Variants in WDR4 observed in about 807,000 individuals in gnomAD.
WDR4 encodes the protein WDR4 tRNA N7-guanosine methyltransferase non-catalytic subunit.
A neutral mutation model predicts 48.6 loss-of-function variants in WDR4; 47 were observed. The observed-to-expected ratio is 0.97, with a 90% confidence interval of 0.77 to 1.23. The LOEUF is 1.23. WDR4 is among the 50% of genes most tolerant of loss of function. The probability of loss-of-function intolerance (pLI) is 0.00; values close to 1 mark genes in which losing one functional copy is unlikely to be tolerated. For synonymous variants in WDR4, 268 were observed against 230.0 expected (o/e 1.17, Z -1.49); for missense variants, 606 against 551.6 (o/e 1.10, Z -0.99).
At chr21:42,852,210 G>A (rs778759371) in intron 10 of WDR4, 45 bp downstream of exon 10, 105 of 1,605,210 alleles carry the variant, frequency 6.5e-5, no homozygotes, top group Admixed American at 1.2e-4. Context: ...TCTGGGGACC[G>A]CGCTGGGTGT....
chr21:42,864,810 C>G (rs1391492860), intron 3 of WDR4, among the ~76,000 whole-genome samples: 5 of 152,174 alleles, frequency 3.3e-5, no homozygotes, highest in Admixed American at 3.3e-4. Flanking sequence ...CTCCACAAGG[C>G]AGGGACCCAT....
At chr21:42,872,083 C>T (rs947443900) in intron 3 of WDR4, among the ~76,000 whole-genome samples, 111 of 151,994 alleles carry the variant, frequency 7.3e-4, no homozygotes, top group South Asian at 6.2e-4. Context: ...CTCCCAGGTT[C>T]GGGAGATTCT....
chr21:42,879,445 C>T lies in WDR4; in HGVS notation c.51G>A (p.Arg17=). 1 of 1,613,826 alleles carries T rather than the reference C, an allele frequency of 6.2e-7. No homozygotes were observed. The change falls in exon 1 of 11, where the codon CGG becomes CGA. Residue 17 remains arginine, a synonymous_variant. Transcript: ENST00000398208. ...LALCGQTLVV[R]GGSRFLATSI... The stretch of plus-strand genomic sequence containing the variant: ...AGGTGGCCAGGAATCGGCTGCCGCC[C>T]CGCACCACCAACGTCTGCCCGCACA...
upstream of WDR4, among the ~76,000 whole-genome samples, chr21:42,880,183 G>GC (rs1360450019): frequency 3.3e-5 from 5 of 151,932 alleles, no homozygotes; most frequent in Non-Finnish European, 7.4e-5. Context: ...GTCTCGGGTG[G>GC]CGTCAAGTCT....
At chr21:42,859,594 G>GGA in intron 6 of WDR4, 68 bp downstream of exon 6, 1 of 511,148 alleles carries the variant, frequency 2.0e-6, no homozygotes, top group Non-Finnish European at 3.5e-6. Context: ...AGGTCCAGGA[G>GGA]GCGCCCACCC....
chr21:42,879,536 G>A lies in WDR4; in HGVS notation c.-41C>T, dbSNP rs775693295. 2 of 1,608,554 alleles carry A rather than the reference G, an allele frequency of 1.2e-6. No individual in the cohort carries two copies. The highest frequency in any genetic ancestry group is 1.1e-5 in the South Asian group (1 of 90,866). Reference sequence around the variant, plus strand: ...ACCGCCATACACATGTGCCAGCCCAGAGCCTCTTCCTGTCCGCACCGGTCG... The same window carrying A: ...ACCGCCATACACATGTGCCAGCCCAAAGCCTCTTCCTGTCCGCACCGGTCG... On this transcript the variant is annotated 5_prime_UTR_variant, in exon 1 of 11. Coordinates refer to ENST00000398208, the MANE Select transcript of WDR4 (RefSeq NM_018669.6).
In WDR4 at chr21:42,854,572, G is replaced by C. The variant is rs201736090; in HGVS notation, c.781C>G (p.Leu261Val). The C allele has an allele frequency of 6.2e-7, 1 of 1,613,616 alleles. No homozygotes were observed. The highest frequency in any genetic ancestry group is 1.3e-5 in the African/African-American group (1 of 75,026). Residue 261 changes from leucine (L) to valine (V), a missense_variant, in exon 8 of 11, where the codon CTG becomes GTG. Leu to Val is a conservative substitution (Grantham distance 32). Transcript: ENST00000398208. ...GCCGCCGCAGCTTACCCGTCGCACA[G>C]GAGCGCCACGCAGTTCTCCTGGCAC... ...FWCQENCVALLCDGTPVVYIF... is the reference protein window; with the variant it reads ...FWCQENCVALVCDGTPVVYIF...
intron 3 of WDR4, among the ~76,000 whole-genome samples, chr21:42,870,579 A>AG (rs60051887): frequency 0.64 from 97,633 of 151,906 alleles, 33,088 homozygotes; most frequent in African/African-American, 0.86. Flanking sequence ...CCTTGAGGTC[A>AG]GAGTTCGAAA....
chr21:42,855,999 G>A (rs766223048), intron 6 of WDR4, among the ~76,000 whole-genome samples: 14 of 152,268 alleles, frequency 9.2e-5, no homozygotes, highest in Middle Eastern at 3.4e-3. Context: ...CCTGTTTCTC[G>A]AGTGCCAATA....
At chr21:42,879,361 G>A (rs553033322) in intron 1 of WDR4, 46 bp downstream of exon 1, 1 of 1,597,128 alleles carries the variant, frequency 6.3e-7, no homozygotes, top group Non-Finnish European at 8.6e-7. Flanking sequence ...GACCCGACGC[G>A]CGCCCGCAGC....
At chr21:42,891,733 G>A in the WDR4 span, among the ~76,000 whole-genome samples, 6 of 152,118 alleles carry the variant, frequency 3.9e-5, no homozygotes, top group Non-Finnish European at 5.9e-5. Flanking sequence ...CGAGGCGGGC[G>A]ATCATTTGAG....
downstream of WDR4, among the ~76,000 whole-genome samples, chr21:42,847,419 C>T (rs1180019580): frequency 6.6e-6 from 1 of 152,330 alleles, no homozygotes; most frequent in South Asian, 2.1e-4. Flanking sequence ...AAGGCAGCTG[C>T]GCCATCCACT....
chr21:42,879,512 C>A lies in WDR4; in HGVS notation c.-17G>T. ...GCCCGCCATGTACCCGCCCGCCTCA[C>A]CGCCATACACATGTGCCAGCCCAGA... On this transcript the variant is annotated 5_prime_UTR_variant, in exon 1 of 11. Transcript: ENST00000398208. 1 of 1,612,746 alleles carries A rather than the reference C, an allele frequency of 6.2e-7. No individual in the cohort carries two copies. Among genetic ancestry groups the A allele is most frequent in the African/African-American group, 1.3e-5 (1 of 75,028 alleles).
chr21:42,852,293 ACTTT>A lies in WDR4; in HGVS notation c.1003_1006del (p.Lys335SerfsTer33), dbSNP rs748308468. ...CCAGTTCCCACGAAGAACACCAGAG[ACTTT>A]CTTTAACACGGTGCTCTCAGGAACA... On this transcript the variant is annotated frameshift_variant, in exon 10 of 11. Transcript: ENST00000398208. LOFTEE classifies it low-confidence loss of function (END_TRUNC). The A allele has an allele frequency of 6.2e-6, 10 of 1,614,002 alleles. No homozygotes were observed. The highest frequency in any genetic ancestry group is 4.0e-5 in the African/African-American group (3 of 74,924).
rs1174347005 is a variant in WDR4, at chr21:42,862,990, T to C, written c.453+450A>G. 6.6e-6 allele frequency among the ~76,000 whole-genome samples: 1 copy of C among 152,156 alleles called. No individual in the cohort carries two copies. The highest frequency in any genetic ancestry group is 1.5e-5 in the Non-Finnish European group (1 of 67,994). Reference sequence around the variant, plus strand: ...GCTGCTGGGAGCAGTGCTGAGGTGATGCTCCTACAGCACCTGGCACAGCTC... The same window carrying C: ...GCTGCTGGGAGCAGTGCTGAGGTGACGCTCCTACAGCACCTGGCACAGCTC... On this transcript the variant is annotated intron_variant, in intron 4 of 10. Coordinates refer to ENST00000398208, the MANE Select transcript of WDR4 (RefSeq NM_018669.6). This position sits in a 1 kb window ranked among gnomAD's most constrained non-coding sequence, Gnocchi z 4.3.
At chr21:42,881,195 C>T (rs952022309), upstream of WDR4, among the ~76,000 whole-genome samples, 16 of 152,108 alleles carry the variant, frequency 1.1e-4, no homozygotes, top group African/African-American at 3.4e-4. Context: ...CGTGAGCCAC[C>T]GCGCCCAGCC....
Position 42,862,346 on chromosome 21 carries a change from TCTCGTC to T in WDR4, c.496_501del (p.Asp166_Glu167del). 1 of 1,611,966 alleles carries T rather than the reference TCTCGTC, an allele frequency of 6.2e-7. No homozygotes were observed. Among genetic ancestry groups the T allele is most frequent in the African/African-American group, 1.3e-5 (1 of 74,990 alleles). On this transcript the variant is annotated inframe_deletion, in exon 5 of 11. Transcript: ENST00000398208. This position sits in a 1 kb window ranked among gnomAD's most constrained non-coding sequence, Gnocchi z 4.3. ...GCCGCGGCCCAGCTGACTCGGATCT[TCTCGTC>T]CCGGTCGGCAGTGAGGATGAAGCGG...
chr21:42,878,040 T>TC (rs2058540962), intron 1 of WDR4, among the ~76,000 whole-genome samples: 1 of 46,070 alleles, frequency 2.2e-5, no homozygotes, highest in South Asian at 5.0e-4. Flanking sequence ...GCGAGACTCC[T>TC]CAAAAAAAAA....
chr21:42,846,903 T>C (rs2057715373), downstream of WDR4, among the ~76,000 whole-genome samples: 1 of 151,888 alleles, frequency 6.6e-6, no homozygotes, highest in Non-Finnish European at 1.5e-5. Context: ...GAGCCTGTAA[T>C]CCAGCTACTC....
Sources: gnomAD v4.1 joint callset for allele counts (sites outside exome capture counted in the v4.1 genomes callset) on GRCh38, gnomAD v4.1.1 for gene constraint, Gnocchi (gnomAD v3.1) non-coding constraint, MANE v1.5 for transcripts, NCBI Gene and HGNC (gene_info 2026-07-23, HGNC 2026-07-21) for gene names.